The following SLC5A1 variants were observed in gnomAD, a reference collection of about 807,000 sequenced individuals.
The protein encoded by SLC5A1 is solute carrier family 5 member 1, also known as sodium/glucose cotransporter 1.
In SLC5A1, 42 loss-of-function variants were observed where a neutral mutation model predicts 73.5. That is an observed-to-expected ratio of 0.57 (90% CI 0.45 to 0.74). The LOEUF (loss-of-function observed/expected upper bound fraction) is 0.74, where lower values mean the gene tolerates loss of function less well. SLC5A1 is among the 30% of genes least tolerant of loss of function. The pLI is 0.00. For synonymous variants in SLC5A1, 300 were observed against 317.4 expected (o/e 0.95, Z 0.58); for missense variants, 634 against 855.4 (o/e 0.74, Z 3.23).
chr22:32,087,525 G>C (rs1281059554), intron 10 of SLC5A1, among the ~76,000 whole-genome samples: 3 of 152,126 alleles, frequency 2.0e-5, no homozygotes, highest in Non-Finnish European at 4.4e-5. Flanking sequence ...GCTCTAGAAT[G>C]AGAAAGTCTG....
At chr22:32,101,220 C>T (rs2094035746) in intron 12 of SLC5A1, among the ~76,000 whole-genome samples, 3 of 152,126 alleles carry the variant, frequency 2.0e-5, no homozygotes, top group African/African-American at 7.2e-5. Context: ...TTGGGCCACC[C>T]TTCTAAGAGC....
chr22:32,106,981 C>T (rs779843915), intron 14 of SLC5A1, among the ~76,000 whole-genome samples: 3 of 152,158 alleles, frequency 2.0e-5, no homozygotes, highest in Non-Finnish European at 4.4e-5. Context: ...GTCTTATCAT[C>T]TCATTTTATA....
chr22:32,098,898 A>G (rs2094030725), intron 11 of SLC5A1, among the ~76,000 whole-genome samples: 3 of 151,666 alleles, frequency 2.0e-5, no homozygotes, highest in Non-Finnish European at 4.4e-5. Flanking sequence ...CATCCTGGCT[A>G]ACATGGTGAA....
At chr22:32,107,772 C>T (rs933092911) in intron 14 of SLC5A1, among the ~76,000 whole-genome samples, 4 of 152,130 alleles carry the variant, frequency 2.6e-5, no homozygotes, top group African/African-American at 9.7e-5. Context: ...TGAAATCAGA[C>T]TGAACATCCT....
intron 10 of SLC5A1, 78 bp downstream of exon 10, chr22:32,086,405 G>C (rs1314801520): frequency 1.0e-6 from 1 of 954,344 alleles, no homozygotes; most frequent in African/African-American, 1.6e-5. Context: ...ACATTCCTGT[G>C]AACCTTCTGG....
chr22:32,067,435 A>T (rs1215268928), intron 3 of SLC5A1, among the ~76,000 whole-genome samples: 2 of 151,754 alleles, frequency 1.3e-5, no homozygotes, highest in African/African-American at 4.8e-5. Flanking sequence ...GCAGTGGTGC[A>T]ATCATAGCCT....
rs189894040 is a variant in SLC5A1 at position 32,074,340 on chromosome 22, G to T, written c.477+5740G>T. 5.2e-3 allele frequency among the ~76,000 whole-genome samples: 792 copies of T among 152,306 alleles called. 1 individual carries two copies. The highest frequency in any genetic ancestry group is 8.4e-3 in the Non-Finnish European group (571 of 68,020). ...CCTTCTTGGACTTGGGAGCCCCCAG[G>T]GAGCTGAGGGACAGCCTCTTTCAGC... On this transcript the variant is annotated intron_variant, in intron 5 of 14. Coordinates refer to ENST00000266088, the MANE Select transcript of SLC5A1 (RefSeq NM_000343.4).
At chr22:32,077,431 C>T (rs532310958) in intron 5 of SLC5A1, among the ~76,000 whole-genome samples, 5 of 151,588 alleles carry the variant, frequency 3.3e-5, no homozygotes, top group African/African-American at 4.8e-5. Flanking sequence ...ATCCTTCCCC[C>T]TACTCTCTTT....
At chr22:32,085,169 G>A in intron 9 of SLC5A1, 134 bp downstream of exon 9, 1 of 1,069,862 alleles carries the variant, frequency 9.3e-7, no homozygotes. Flanking sequence ...AGGCTGGAGT[G>A]CAGTGGTGTG....
At chr22:32,075,748 A>T (rs2093989901) in intron 5 of SLC5A1, among the ~76,000 whole-genome samples, 1 of 152,046 alleles carries the variant, frequency 6.6e-6, no homozygotes, top group East Asian at 1.9e-4. Context: ...TGAAGGAGGG[A>T]CATCTGGGCA....
intron 5 of SLC5A1, among the ~76,000 whole-genome samples, chr22:32,078,741 T>G (rs1188983522): frequency 6.6e-6 from 1 of 151,752 alleles, no homozygotes; most frequent in Non-Finnish European, 1.5e-5. Flanking sequence ...GATCACAAGA[T>G]CAGGAGATTG....
At chr22:32,084,063 A>G (rs572340697) in intron 7 of SLC5A1, among the ~76,000 whole-genome samples, 1 of 152,352 alleles carries the variant, frequency 6.6e-6, no homozygotes, top group South Asian at 2.1e-4. Flanking sequence ...GCCTGAGTCC[A>G]AGGCTCCAAA....
At chr22:32,091,298 AACACACACACACACAC>A (rs67059150) in intron 10 of SLC5A1, among the ~76,000 whole-genome samples, 4,403 of 139,048 alleles carry the variant, frequency 0.032, 197 homozygotes, top group African/African-American at 0.1. Context: ...CACATACACA[AACACACACACACACAC>A]ACACACACAC....
At chr22:32,070,630 G>A (rs192206690) in intron 5 of SLC5A1, among the ~76,000 whole-genome samples, 9 of 152,114 alleles carry the variant, frequency 5.9e-5, no homozygotes, top group Non-Finnish European at 1.2e-4. Flanking sequence ...CACTGCACCC[G>A]GCCTTGTGTT....
chr22:32,051,241 G>C (rs1459506197), intron 2 of SLC5A1, among the ~76,000 whole-genome samples: 1 of 152,194 alleles, frequency 6.6e-6, no homozygotes, highest in Non-Finnish European at 1.5e-5. Flanking sequence ...GGAGCCACAG[G>C]ATTTGGCTTG....
chr22:32,110,362 G>A lies in SLC5A1; in HGVS notation c.*149G>A, dbSNP rs2094054348. 2.8e-6 allele frequency: 2 copies of A among 702,682 alleles called. No individual in the cohort carries two copies. Among genetic ancestry groups the A allele is most frequent in the South Asian group, 3.1e-5 (2 of 64,710 alleles). The allele number at this position is 702,682 out of a possible 1,614,324, so 43.5% of individuals were successfully genotyped here. On this transcript the variant is annotated 3_prime_UTR_variant, in exon 15 of 15. Transcript: ENST00000266088. ...ATGTGTAATTATAGGCTAGCTGGAA[G>A]AAAACCATTAGTTTGCTGTTAATTT...
intron 14 of SLC5A1, among the ~76,000 whole-genome samples, chr22:32,108,795 A>G (rs1274084033): frequency 6.6e-6 from 1 of 152,166 alleles, no homozygotes; most frequent in Non-Finnish European, 1.5e-5. Flanking sequence ...AAGACCATAA[A>G]GCCAGGTTTT....
chr22:32,086,140 C>CAAA, intron 9 of SLC5A1, 80 bp from the exon 10 acceptor site: 40 of 764,696 alleles, frequency 5.2e-5, no homozygotes, highest in East Asian at 6.0e-5. Flanking sequence ...GACTCCGTCT[C>CAAA]AAAAAAAAAA....
intron 13 of SLC5A1, among the ~76,000 whole-genome samples, chr22:32,103,043 G>T (rs887290857): frequency 1.3e-5 from 2 of 152,214 alleles, no homozygotes; most frequent in South Asian, 4.1e-4. Flanking sequence ...AGGAATACAG[G>T]TATCTCTTTG....
Sources: gnomAD v4.1 joint callset for allele counts (sites outside exome capture counted in the v4.1 genomes callset) on GRCh38, gnomAD v4.1.1 for gene constraint, MANE v1.5 for transcripts, NCBI Gene and HGNC (gene_info 2026-07-23, HGNC 2026-07-21) for gene names.